Variants in MAPKAP1 observed in about 807,000 individuals in gnomAD.
MAPKAP1 encodes the protein MAPK associated protein 1.
In MAPKAP1, 20 loss-of-function variants were observed where a neutral mutation model predicts 65.7. That is an observed-to-expected ratio of 0.30 (90% CI 0.21 to 0.44). MAPKAP1 has a LOEUF of 0.44. Among genes scored for constraint, MAPKAP1 ranks in the 20% least tolerant of loss-of-function variants. The pLI, the probability that MAPKAP1 is intolerant of heterozygous loss-of-function variation, is 1.00. For synonymous variants in MAPKAP1, 222 were observed against 244.3 expected, an observed-to-expected ratio of 0.91 and a Z score of 0.85; for missense variants, 423 against 648.0, an observed-to-expected ratio of 0.65 and a Z score of 3.77.
Position 125,492,974 on chromosome 9 carries a change from T to C in MAPKAP1, c.1067-8391A>G, listed in dbSNP as rs139553834. ...CAGATGATGAAAGGAGGACAGGCAA[T>C]CCATGGAGGAATATAGGAAAAAACA... On this transcript the variant is annotated intron_variant, in intron 8 of 11. Coordinates refer to ENST00000265960, the MANE Select transcript of MAPKAP1 (RefSeq NM_001006617.3). Among the ~76,000 whole-genome samples the C allele has an allele frequency of 3.3e-5, 5 of 152,142 alleles. No homozygotes were observed. In the East Asian group the frequency reaches 9.7e-4, roughly 29 times the overall value.
chr9:125,554,817 A>AG (rs1554821889), intron 6 of MAPKAP1, among the ~76,000 whole-genome samples: 3 of 144,356 alleles, frequency 2.1e-5, no homozygotes, highest in Middle Eastern at 3.9e-3. Flanking sequence ...AAAAAAAAAA[A>AG]GCATTTTCTA....
At chr9:125,488,819 C>A (rs1389919020) in intron 8 of MAPKAP1, among the ~76,000 whole-genome samples, 1 of 152,182 alleles carries the variant, frequency 6.6e-6, no homozygotes, top group Non-Finnish European at 1.5e-5. Flanking sequence ...TACAAATTAG[C>A]CAAAGGCCAG....
chr9:125,574,790 T>A (rs1200879294), intron 5 of MAPKAP1, among the ~76,000 whole-genome samples: 1 of 152,238 alleles, frequency 6.6e-6, no homozygotes, highest in African/African-American at 2.4e-5. Flanking sequence ...AAATGAACAT[T>A]TATTGAGCAC....
intron 7 of MAPKAP1, among the ~76,000 whole-genome samples, chr9:125,527,362 G>A (rs185019109): frequency 4.6e-5 from 7 of 152,086 alleles, no homozygotes; most frequent in South Asian, 2.1e-4. Flanking sequence ...CACCGCGCCC[G>A]GGCCTCATAC....
intron 1 of MAPKAP1, among the ~76,000 whole-genome samples, chr9:125,697,733 CT>C (rs1564621973): frequency 6.6e-6 from 1 of 152,106 alleles, no homozygotes; most frequent in Admixed American, 6.6e-5. Context: ...GCATGCATAA[CT>C]TTTTTTAAAA....
chr9:125,496,947 T>C (rs1854972234), intron 8 of MAPKAP1, among the ~76,000 whole-genome samples: 1 of 152,118 alleles, frequency 6.6e-6, no homozygotes, highest in Non-Finnish European at 1.5e-5. Context: ...TCAGACTGGG[T>C]TCCTCTCCAG....
intron 4 of MAPKAP1, among the ~76,000 whole-genome samples, chr9:125,654,838 G>A (rs1833985965): frequency 6.6e-6 from 1 of 152,130 alleles, no homozygotes; most frequent in South Asian, 2.1e-4. Context: ...CCTTTCTTCA[G>A]ATCTAACACT....
chr9:125,475,593 C>T (rs757560733), intron 9 of MAPKAP1, among the ~76,000 whole-genome samples: 8 of 152,298 alleles, frequency 5.3e-5, no homozygotes, highest in Non-Finnish European at 7.3e-5. Context: ...CACGAACGAA[C>T]GCAGAGCAGC....
At chr9:125,494,836 G>C (rs936860121) in intron 8 of MAPKAP1, among the ~76,000 whole-genome samples, 1 of 152,146 alleles carries the variant, frequency 6.6e-6, no homozygotes, top group South Asian at 2.1e-4. Flanking sequence ...CCCCTGCTAT[G>C]CACTCTTTTC....
chr9:125,697,723 G>A (rs1317614305), intron 1 of MAPKAP1, among the ~76,000 whole-genome samples: 1 of 152,060 alleles, frequency 6.6e-6, no homozygotes, highest in Non-Finnish European at 1.5e-5. Context: ...AGCTCAAAAG[G>A]CATGCATAAC....
At chr9:125,566,443 T>C (rs1425002305) in intron 5 of MAPKAP1, among the ~76,000 whole-genome samples, 2 of 152,122 alleles carry the variant, frequency 1.3e-5, no homozygotes, top group Admixed American at 6.5e-5. Flanking sequence ...CACATGCTTG[T>C]AGTCCCAGCT....
At chr9:125,667,295 G>T (rs1471944105) in intron 3 of MAPKAP1, among the ~76,000 whole-genome samples, 1 of 152,100 alleles carries the variant, frequency 6.6e-6, no homozygotes, top group Non-Finnish European at 1.5e-5. Flanking sequence ...AGGGACTGAT[G>T]CACCTATATT....
intron 4 of MAPKAP1, among the ~76,000 whole-genome samples, chr9:125,589,487 C>T (rs541461922): frequency 1.3e-5 from 2 of 152,302 alleles, no homozygotes; most frequent in Non-Finnish European, 2.9e-5. Context: ...TGCCAGGACA[C>T]GTAGTAGGAA....
chr9:125,505,354 G>T (rs952265571), intron 8 of MAPKAP1, among the ~76,000 whole-genome samples: 1 of 152,158 alleles, frequency 6.6e-6, no homozygotes, highest in African/African-American at 2.4e-5. Flanking sequence ...GAACCTGGGA[G>T]GTGGAGGTTG....
In MAPKAP1 at chr9:125,707,140, T is replaced by C; in HGVS notation, c.-239A>G. On this transcript the variant is annotated 5_prime_UTR_variant, in exon 1 of 12. Coordinates refer to ENST00000265960, the MANE Select transcript of MAPKAP1 (RefSeq NM_001006617.3). ...CAGCTGCCGCTTCCCGGGTTAGCCC[T>C]CATGCCCCTGCTGCTCGCCGCCGCC... The C allele has an allele frequency of 2.5e-6, 1 of 398,196 alleles. No individual in the cohort carries two copies. The highest frequency in any genetic ancestry group is 4.4e-6 in the Non-Finnish European group (1 of 225,794). The allele number at this position is 398,196 out of a possible 1,614,324, so 24.7% of individuals were successfully genotyped here.
chr9:125,631,070 C>T (rs1833265960), intron 4 of MAPKAP1, among the ~76,000 whole-genome samples: 1 of 151,170 alleles, frequency 6.6e-6, no homozygotes, highest in African/African-American at 2.4e-5. Context: ...GCACTCCAGC[C>T]TAGGTGATAC....
In MAPKAP1 at chr9:125,484,425, A is replaced by C. The variant is rs755826581; in HGVS notation, c.1207+18T>G. 37 of 1,596,496 alleles carry C rather than the reference A, an allele frequency of 2.3e-5. No homozygotes were observed. The highest frequency in any genetic ancestry group is 4.0e-5 in the African/African-American group (3 of 74,578). On this transcript the variant is annotated intron_variant, in intron 9 of 11. Coordinates refer to ENST00000265960, the MANE Select transcript of MAPKAP1 (RefSeq NM_001006617.3). ...TGCTGACACGACAAGCTAGCTCATC[A>C]CCTGCTCACACACTTACCTAGCTGT...
chr9:125,673,965 A>AAAC (rs397757561), intron 1 of MAPKAP1, among the ~76,000 whole-genome samples: 1 of 151,326 alleles, frequency 6.6e-6, no homozygotes, highest in Non-Finnish European at 1.5e-5. Flanking sequence ...AAAACAAAAC[A>AAAC]TACAAAAAAC....
At chr9:125,510,474 C>A (rs991900537) in intron 7 of MAPKAP1, among the ~76,000 whole-genome samples, 1 of 152,208 alleles carries the variant, frequency 6.6e-6, no homozygotes, top group Non-Finnish European at 1.5e-5. Flanking sequence ...TTCCCTCTTA[C>A]GAAGACATGA....
Sources: gnomAD v4.1 joint callset for allele counts (sites outside exome capture counted in the v4.1 genomes callset) on GRCh38, gnomAD v4.1.1 for gene constraint, MANE v1.5 for transcripts, NCBI Gene and HGNC (gene_info 2026-07-23, HGNC 2026-07-21) for gene names.